Variants in DKK3 observed in about 807,000 individuals in gnomAD.
The protein encoded by DKK3 is dickkopf Wnt signaling pathway inhibitor 3.
Under a neutral mutation model 33.2 loss-of-function variants are expected in DKK3, and 22 were observed. The observed-to-expected ratio is 0.66, with a 90% CI of 0.47 to 0.95. The LOEUF is 0.95. Among genes scored for constraint, DKK3 ranks in the 40% least tolerant of loss-of-function variants. The pLI, the probability that DKK3 is intolerant of heterozygous loss-of-function variation, is 0.00. For missense variants in DKK3, 398 were observed against 458.4 expected, an observed-to-expected ratio of 0.87 and a Z score of 1.20; for synonymous variants, 194 against 188.8, an observed-to-expected ratio of 1.03 and a Z score of -0.23.
At chr11:11,981,181 G>A (rs1300660206) in intron 3 of DKK3, among the ~76,000 whole-genome samples, 1 of 152,196 alleles carries the variant, frequency 6.6e-6, no homozygotes, top group Non-Finnish European at 1.5e-5. Flanking sequence ...GTTCTAAGAG[G>A]CAACATAGCT....
At chr11:11,990,853 C>A (rs1425219890) in intron 3 of DKK3, among the ~76,000 whole-genome samples, 1 of 152,190 alleles carries the variant, frequency 6.6e-6, no homozygotes, top group Non-Finnish European at 1.5e-5. Context: ...AAATACAGCT[C>A]AACTGCCACC....
chr11:12,000,900 T>C (rs977105907), intron 2 of DKK3, among the ~76,000 whole-genome samples: 2 of 152,228 alleles, frequency 1.3e-5, no homozygotes, highest in Admixed American at 6.5e-5. Context: ...ACAGTAATAA[T>C]AAGAACAGTG....
intron 1 of DKK3, among the ~76,000 whole-genome samples, chr11:12,005,146 C>G (rs945244511): frequency 1.3e-5 from 2 of 152,170 alleles, no homozygotes; most frequent in Non-Finnish European, 2.9e-5. Context: ...AAATAATTGA[C>G]AAGTTGCCAA....
chr11:11,968,170 G>C (rs979106985), intron 4 of DKK3, among the ~76,000 whole-genome samples: 1 of 152,166 alleles, frequency 6.6e-6, no homozygotes, highest in East Asian at 1.9e-4. Flanking sequence ...GAGGACATGG[G>C]GTGGATGGGA....
intron 3 of DKK3, among the ~76,000 whole-genome samples, chr11:11,974,542 C>T (rs1847792728): frequency 6.6e-6 from 1 of 152,112 alleles, no homozygotes; most frequent in Non-Finnish European, 1.5e-5. Context: ...CCAAACTTGC[C>T]CTTTTATAAG....
intron 3 of DKK3, among the ~76,000 whole-genome samples, chr11:11,988,964 C>T (rs1019938041): frequency 1.3e-5 from 2 of 152,200 alleles, no homozygotes; most frequent in South Asian, 2.1e-4. Context: ...GAACGCACTG[C>T]CTTATCCAAG....
intron 3 of DKK3, among the ~76,000 whole-genome samples, chr11:11,992,788 G>A (rs1337515825): frequency 6.6e-6 from 1 of 152,068 alleles, no homozygotes; most frequent in African/African-American, 2.4e-5. Context: ...TGCCATGCTC[G>A]TATAGCCTGC....
At position 11,964,653 on chromosome 11, in the gene DKK3, G is replaced by A. The variant is rs774144698; in HGVS notation, c.864C>T (p.Phe288=). ...CCCCATCTTGGTCACGGCTCCCCAC[G>A]AAGGTCGGCTTGCACACATACACCA... ...HSLVYVCKPT[F]VGSRDQDGEI... Residue 288 remains phenylalanine (F), a synonymous_variant, in exon 7 of 7, where the codon TTC becomes TTT. Coordinates refer to ENST00000683431, the MANE Select transcript of DKK3 (RefSeq NM_001018057.2). 19 of 1,613,982 alleles carry A rather than the reference G, an allele frequency of 1.2e-5. No homozygotes were observed. Among genetic ancestry groups the A allele is most frequent in the African/African-American group, 2.7e-5 (2 of 74,930 alleles).
intron 3 of DKK3, 118 bp from the exon 4 acceptor site, chr11:11,968,605 G>C: frequency 2.2e-6 from 2 of 906,820 alleles, no homozygotes; most frequent in Non-Finnish European, 3.3e-6. Context: ...GGCTCAGCAG[G>C]GTCAGGAAAG....
chr11:11,996,284 T>C (rs975616706), intron 3 of DKK3, among the ~76,000 whole-genome samples: 2 of 152,246 alleles, frequency 1.3e-5, no homozygotes, highest in Non-Finnish European at 2.9e-5. Context: ...ATTCCCTTGA[T>C]AGTAAACTAG....
Position 11,967,516 on chromosome 11 carries a change from T to C in DKK3, c.529-418A>G, listed in dbSNP as rs138874368. ...TGAGGATGGCCTGTGGGTGCCAGGG[T>C]CCTGCAGCCACACAGGGCATGGCAG... On this transcript the variant is annotated intron_variant, in intron 4 of 6. Transcript: ENST00000683431. 6.3e-3 allele frequency among the ~76,000 whole-genome samples: 952 copies of C among 152,234 alleles called. 11 individuals carry two copies. Among genetic ancestry groups the C allele is most frequent in the African/African-American group, 0.022 (902 of 41,548 alleles).
chr11:11,975,186 C>T (rs796288653), intron 3 of DKK3, among the ~76,000 whole-genome samples: 1 of 152,194 alleles, frequency 6.6e-6, no homozygotes, highest in South Asian at 2.1e-4. Flanking sequence ...ATGCACCTTC[C>T]CCCGATACAA....
chr11:11,977,927 T>C (rs1184081794), intron 3 of DKK3, among the ~76,000 whole-genome samples: 1 of 152,170 alleles, frequency 6.6e-6, no homozygotes, highest in Non-Finnish European at 1.5e-5. Context: ...ATTTAGCAAA[T>C]AATTTAGCTG....
chr11:11,969,914 G>C (rs1054481700), intron 3 of DKK3, among the ~76,000 whole-genome samples: 4 of 152,226 alleles, frequency 2.6e-5, no homozygotes, highest in Admixed American at 2.0e-4. Flanking sequence ...TTACGGATAA[G>C]AAAACCGAGG....
chr11:12,003,286 T>A (rs1438687817), intron 1 of DKK3, among the ~76,000 whole-genome samples: 2 of 152,162 alleles, frequency 1.3e-5, no homozygotes, highest in Non-Finnish European at 2.9e-5. Flanking sequence ...CAGCTGTGTC[T>A]CCTTCCCCAC....
chr11:11,967,578 G>A (rs985218611), intron 4 of DKK3, among the ~76,000 whole-genome samples: 1 of 152,258 alleles, frequency 6.6e-6, no homozygotes, highest in African/African-American at 2.4e-5. Context: ...GCTGTGCCCA[G>A]TGACGGTACC....
At chr11:11,973,559 G>A (rs575590487) in intron 3 of DKK3, among the ~76,000 whole-genome samples, 44 of 152,318 alleles carry the variant, frequency 2.9e-4, no homozygotes, top group African/African-American at 9.9e-4. Flanking sequence ...CATCCTGCTG[G>A]GGGAATCTGA....
At chr11:11,997,663 C>T (rs1418526763) in intron 3 of DKK3, among the ~76,000 whole-genome samples, 1 of 152,130 alleles carries the variant, frequency 6.6e-6, no homozygotes, top group Non-Finnish European at 1.5e-5. Flanking sequence ...TTCCTCCCCC[C>T]ACCCCCAGGC....
chr11:12,004,545 A>G (rs1406624957), intron 1 of DKK3, among the ~76,000 whole-genome samples: 1 of 152,232 alleles, frequency 6.6e-6, no homozygotes, highest in Admixed American at 6.5e-5. Context: ...AGAGGAACAC[A>G]GTGGAAAGTA....
Sources: gnomAD v4.1 joint callset for allele counts (sites outside exome capture counted in the v4.1 genomes callset) on GRCh38, gnomAD v4.1.1 for gene constraint, MANE v1.5 for transcripts, NCBI Gene and HGNC (gene_info 2026-07-23, HGNC 2026-07-21) for gene names.